The following KCMF1 variants were observed in gnomAD, a reference collection of about 807,000 sequenced individuals.
KCMF1 encodes the protein potassium channel modulatory factor 1, also known as E3 ubiquitin-protein ligase KCMF1.
Under a neutral mutation model 41.1 loss-of-function variants are expected in KCMF1, and 3 were observed. The ratio of observed to expected loss-of-function variants is 0.07; its 90% CI spans 0.03 to 0.19. The LOEUF is 0.19. KCMF1 is among the 10% of genes least tolerant of loss of function. The probability of loss-of-function intolerance (pLI) is 1.00; values close to 1 mark genes in which losing one functional copy is unlikely to be tolerated. For synonymous variants in KCMF1, 142 were observed against 164.5 expected (o/e 0.86, Z 1.04); for missense variants, 286 against 488.9 (o/e 0.58, Z 3.91).
Position 85,059,382 on chromosome 2 carries a change from C to A in KCMF1, c.*5973C>A, listed in dbSNP as rs1443138551. 6.6e-6 allele frequency: 1 copy of A among 152,292 alleles called. No homozygotes were observed. The highest frequency in any genetic ancestry group is 1.5e-5 in the Non-Finnish European group (1 of 68,022). 9.4% of individuals were successfully genotyped at this position (152,292 alleles called of 1,614,324 possible). A position where few individuals can be genotyped will look rare whatever the true frequency, so the allele number is the denominator to read the frequency against. ...TATCAGGCTCCGAGACTAATTTGTA[C>A]TGAACCCTTGATATAGATTACCTTT... On this transcript the variant is annotated 3_prime_UTR_variant, in exon 7 of 7. Coordinates refer to ENST00000409785, the MANE Select transcript of KCMF1 (RefSeq NM_020122.5).
chr2:85,030,148 T>C (rs961904963), intron 2 of KCMF1, among the ~76,000 whole-genome samples: 1 of 152,216 alleles, frequency 6.6e-6, no homozygotes, highest in Non-Finnish European at 1.5e-5. Flanking sequence ...ATATCTACTT[T>C]GAAGAAATAC....
At chr2:85,038,146 C>A (rs1051048490) in intron 3 of KCMF1, among the ~76,000 whole-genome samples, 3 of 152,184 alleles carry the variant, frequency 2.0e-5, no homozygotes, top group Non-Finnish European at 2.9e-5. Flanking sequence ...AGTGACAAAT[C>A]TAACTTCAGC....
intron 3 of KCMF1, among the ~76,000 whole-genome samples, chr2:85,039,276 G>C (rs1675470342): frequency 6.6e-6 from 1 of 152,150 alleles, no homozygotes; most frequent in Admixed American, 6.6e-5. Flanking sequence ...ATAGGAATGT[G>C]GTTATAAAGA....
intron 1 of KCMF1, among the ~76,000 whole-genome samples, chr2:85,019,155 G>A: frequency 6.6e-6 from 1 of 152,174 alleles, no homozygotes; most frequent in Non-Finnish European, 1.5e-5. Flanking sequence ...TTCTGTTTCA[G>A]ATTTCTCTGA....
intron 1 of KCMF1, among the ~76,000 whole-genome samples, chr2:84,995,971 C>T (rs1441864535): frequency 1.3e-5 from 2 of 152,148 alleles, no homozygotes; most frequent in Admixed American, 1.3e-4. Flanking sequence ...AATGCAAGTC[C>T]ATAACAGACA....
intron 2 of KCMF1, among the ~76,000 whole-genome samples, chr2:85,031,328 T>C (rs774434889): frequency 2.6e-5 from 4 of 152,360 alleles, no homozygotes; most frequent in Admixed American, 6.5e-5. Flanking sequence ...TTTGTAGTTA[T>C]CACAGTATGA....
chr2:84,995,593 T>C (rs1243299731), intron 1 of KCMF1, among the ~76,000 whole-genome samples: 1 of 152,204 alleles, frequency 6.6e-6, no homozygotes, highest in African/African-American at 2.4e-5. Flanking sequence ...TTGTTAGTGA[T>C]TGCAAGAGGT....
At chr2:85,026,694 C>A (rs1675116363) in intron 1 of KCMF1, among the ~76,000 whole-genome samples, 1 of 151,832 alleles carries the variant, frequency 6.6e-6, no homozygotes, top group Non-Finnish European at 1.5e-5. Flanking sequence ...CTCTATGTTG[C>A]CCAGGCTGGT....
chr2:85,006,227 C>T (rs1296985357), intron 1 of KCMF1, among the ~76,000 whole-genome samples: 1 of 151,862 alleles, frequency 6.6e-6, no homozygotes, highest in South Asian at 2.1e-4. Flanking sequence ...GCTCCACCCT[C>T]CCCTATTTAT....
chr2:85,011,161 T>C (rs1415910106), intron 1 of KCMF1, among the ~76,000 whole-genome samples: 1 of 152,196 alleles, frequency 6.6e-6, no homozygotes, highest in Non-Finnish European at 1.5e-5. Flanking sequence ...TTTTATTATT[T>C]ATCTTGATGC....
intron 1 of KCMF1, among the ~76,000 whole-genome samples, chr2:84,984,418 T>C (rs997743286): frequency 6.6e-6 from 1 of 152,126 alleles, no homozygotes; most frequent in African/African-American, 2.4e-5. Context: ...TCTGCTTCAG[T>C]TTCTGTCCTA....
chr2:85,007,039 T>TG (rs1674488210), intron 1 of KCMF1, among the ~76,000 whole-genome samples: 1 of 145,626 alleles, frequency 6.9e-6, no homozygotes, highest in South Asian at 2.1e-4. Flanking sequence ...AGCCAGAGGT[T>TG]GCAGTGAGTC....
rs758793925 is a variant in KCMF1, at chr2:85,049,554, A to G, written c.790A>G (p.Thr264Ala). The G allele has an allele frequency of 4.3e-6, 7 of 1,613,924 alleles. No homozygotes were observed. In the African/African-American group the frequency reaches 6.7e-5, roughly 15 times the overall value. ...CCGGCGTACTAACACAAGCAGTGTC[A>G]CCACTACAATCACACAATCCACAGC... ...ATRRTNTSSV[T>A]TTITQSTATT... Residue 264 changes from threonine to alanine, a missense_variant, in exon 6 of 7, where the codon ACC (threonine) becomes GCC (alanine). Thr to Ala is a moderately conservative substitution (Grantham distance 58). This residue lies in a region of KCMF1 where 191 missense variants were observed against 279.3 expected (regional missense o/e 0.68). Coordinates refer to ENST00000409785, the MANE Select transcript of KCMF1 (RefSeq NM_020122.5).
At chr2:85,010,117 A>T (rs1047732440) in intron 1 of KCMF1, among the ~76,000 whole-genome samples, 21 of 152,102 alleles carry the variant, frequency 1.4e-4, no homozygotes, top group African/African-American at 5.1e-4. Flanking sequence ...ATTGTCTTTT[A>T]TTTCAATTTC....
At chr2:85,011,044 G>A (rs927974173) in intron 1 of KCMF1, among the ~76,000 whole-genome samples, 8 of 151,994 alleles carry the variant, frequency 5.3e-5, no homozygotes, top group South Asian at 2.1e-4. Context: ...GGGTTTCACC[G>A]TGTTGGCCAT....
chr2:84,975,988 T>G (rs1481355526), intron 1 of KCMF1, among the ~76,000 whole-genome samples: 2 of 152,208 alleles, frequency 1.3e-5, no homozygotes, highest in African/African-American at 4.8e-5. Context: ...TTCCAAGGAA[T>G]GTGGGGCTAA....
chr2:84,977,868 C>T (rs1031262557), intron 1 of KCMF1, among the ~76,000 whole-genome samples: 1 of 152,030 alleles, frequency 6.6e-6, no homozygotes, highest in Middle Eastern at 3.2e-3. Context: ...CATTTTGAAG[C>T]TCATTTTCCC....
At chr2:85,038,390 C>G (rs1675450010) in intron 3 of KCMF1, among the ~76,000 whole-genome samples, 1 of 152,154 alleles carries the variant, frequency 6.6e-6, no homozygotes, top group African/African-American at 2.4e-5. Context: ...GACGGTTCTA[C>G]AAGGCCCAAA....
chr2:85,019,052 T>C lies in KCMF1; in HGVS notation c.17-8837T>C, dbSNP rs531322202. On this transcript the variant is annotated intron_variant, in intron 1 of 6. Coordinates refer to ENST00000409785, the MANE Select transcript of KCMF1 (RefSeq NM_020122.5). ...ACGCCCAGCCAGAACTTTGATTTTT[T>C]AATATCTTAAATAGAGTGTACTGAT... 2.0e-5 allele frequency among the ~76,000 whole-genome samples: 3 copies of C among 152,238 alleles called. No homozygotes were observed. In the East Asian group the frequency reaches 5.8e-4, roughly 29 times the overall value.
Sources: allele counts gnomAD v4.1 joint callset (sites outside exome capture counted in the v4.1 genomes callset), GRCh38; gene constraint gnomAD v4.1.1; regional missense constraint gnomAD v4.1.1; transcripts MANE v1.5; gene names NCBI Gene and HGNC (gene_info 2026-07-23, HGNC 2026-07-21).